The following PBX3 variants were observed in gnomAD, a reference collection of about 807,000 sequenced individuals.
PBX3 encodes the protein pre-B-cell leukemia transcription factor 3.
In PBX3, 14 loss-of-function variants were observed where a neutral mutation model predicts 48.5. The ratio of observed to expected loss-of-function variants is 0.29; its 90% confidence interval spans 0.19 to 0.45. PBX3 has a LOEUF of 0.45. Among genes scored for constraint, PBX3 ranks in the 20% least tolerant of loss-of-function variants. The pLI, the probability that PBX3 is intolerant of heterozygous loss-of-function variation, is 1.00. For synonymous variants in PBX3, 210 were observed against 200.3 expected, an observed-to-expected ratio of 1.05 and a Z score of -0.41; for missense variants, 386 against 546.7, an observed-to-expected ratio of 0.71 and a Z score of 2.93.
chr9:125,832,685 C>G (rs1046381907), intron 2 of PBX3, among the ~76,000 whole-genome samples: 1 of 152,252 alleles, frequency 6.6e-6, no homozygotes, highest in Non-Finnish European at 1.5e-5. Flanking sequence ...TCCTCAGATT[C>G]ACTTGCTTAG....
chr9:125,794,439 G>C (rs537097375), intron 2 of PBX3, among the ~76,000 whole-genome samples: 8 of 152,216 alleles, frequency 5.3e-5, no homozygotes, highest in African/African-American at 1.9e-4. Context: ...AATCTTTCTT[G>C]AAGTGAGGTT....
chr9:125,946,938 G>A (rs543191689), intron 5 of PBX3, among the ~76,000 whole-genome samples: 6 of 152,210 alleles, frequency 3.9e-5, no homozygotes, highest in Non-Finnish European at 7.4e-5. Context: ...CAGCTAGAGG[G>A]AAAAGTAAGT....
At chr9:125,895,566 C>T (rs1840750700) in intron 2 of PBX3, among the ~76,000 whole-genome samples, 2 of 151,944 alleles carry the variant, frequency 1.3e-5, no homozygotes, top group Admixed American at 6.6e-5. Context: ...TACTAGTTTC[C>T]TTTTTCATCC....
At chr9:125,777,625 A>G (rs1837112533) in intron 2 of PBX3, among the ~76,000 whole-genome samples, 1 of 151,972 alleles carries the variant, frequency 6.6e-6, no homozygotes. Context: ...CGGCCTCCCA[A>G]AGTGCTGGGA....
chr9:125,896,728 T>C (rs1345878619), intron 2 of PBX3, among the ~76,000 whole-genome samples: 1 of 152,016 alleles, frequency 6.6e-6, no homozygotes. Flanking sequence ...TCCTGCCTGA[T>C]TGCTGACAAG....
Position 125,966,098 on chromosome 9 carries a change from C to T in PBX3, c.*175C>T. 2.2e-6 allele frequency: 1 copy of T among 444,960 alleles called. No homozygotes were observed. Among genetic ancestry groups the T allele is most frequent in the Non-Finnish European group, 4.0e-6 (1 of 253,048 alleles). The allele number at this position is 444,960 out of a possible 1,614,324, so 27.6% of individuals were successfully genotyped here. A position where few individuals can be genotyped will look rare whatever the true frequency, so the allele number is the denominator to read the frequency against. ...GGAATCATAATCATTTGTATTTATA[C>T]TTAAAAACACACAATGTTAAAAAAA... On this transcript the variant is annotated 3_prime_UTR_variant, in exon 9 of 9. Coordinates refer to ENST00000373489, the MANE Select transcript of PBX3 (RefSeq NM_006195.6).
rs185391002 is a variant in PBX3 at position 125,899,368 on chromosome 9, C to A, written c.275-16318C>A. Reference sequence around the variant, plus strand: ...GTATATATTTTTATATAAATATATACATATATGTATATATTTTTATATAAA... The same window carrying A: ...GTATATATTTTTATATAAATATATAAATATATGTATATATTTTTATATAAA... On this transcript the variant is annotated intron_variant, in intron 2 of 8. Transcript: ENST00000373489. 8.5e-3 allele frequency among the ~76,000 whole-genome samples: 323 copies of A among 38,218 alleles called. 20 individuals are homozygous for A. Among genetic ancestry groups the A allele is most frequent in the Middle Eastern group, 0.045 (3 of 66 alleles). 25.1% of individuals were successfully genotyped at this position (38,218 alleles called of 152,430 possible).
intron 2 of PBX3, among the ~76,000 whole-genome samples, chr9:125,858,622 ATTT>A (rs36077474): frequency 1.7e-5 from 2 of 117,800 alleles, no homozygotes; most frequent in Non-Finnish European, 1.7e-5. Flanking sequence ...ACTTTGGTCC[ATTT>A]TTTTTTTTTT....
intron 2 of PBX3, among the ~76,000 whole-genome samples, chr9:125,760,333 T>G (rs956375257): frequency 3.3e-5 from 5 of 152,192 alleles, no homozygotes; most frequent in Non-Finnish European, 1.5e-5. Flanking sequence ...TTAACTCTTT[T>G]AAACAGTGCA....
At chr9:125,907,631 C>T (rs1588284274) in intron 2 of PBX3, among the ~76,000 whole-genome samples, 1 of 152,120 alleles carries the variant, frequency 6.6e-6, no homozygotes, top group East Asian at 1.9e-4. Context: ...CTTCTACAGT[C>T]ACATGGTTAA....
At chr9:125,940,933 G>T (rs1034794319) in intron 5 of PBX3, among the ~76,000 whole-genome samples, 1 of 152,150 alleles carries the variant, frequency 6.6e-6, no homozygotes, top group Non-Finnish European at 1.5e-5. Flanking sequence ...TACCTATGAT[G>T]TGTGGCCCTT....
At chr9:125,962,024 C>T (rs1485967859) in intron 6 of PBX3, 78 bp from the exon 7 acceptor site, 15 of 708,790 alleles carry the variant, frequency 2.1e-5, no homozygotes, top group South Asian at 1.2e-4. Context: ...TACTTTTTCT[C>T]ATCTCCCTGC....
intron 5 of PBX3, among the ~76,000 whole-genome samples, chr9:125,945,672 T>C (rs984611813): frequency 6.6e-6 from 1 of 152,174 alleles, no homozygotes; most frequent in African/African-American, 2.4e-5. Flanking sequence ...TTACTGAAGA[T>C]GATGATATTA....
rs527412260 is a variant in PBX3 at position 125,949,804 on chromosome 9, A to G, written c.844-10880A>G. Among the ~76,000 whole-genome samples the G allele has an allele frequency of 7.9e-5, 12 of 152,312 alleles. No individual in the cohort carries two copies. In the East Asian group the frequency reaches 1.9e-3, roughly 25 times the overall value. On this transcript the variant is annotated intron_variant, in intron 5 of 8. Coordinates refer to ENST00000373489, the MANE Select transcript of PBX3 (RefSeq NM_006195.6). The stretch of plus-strand genomic sequence containing the variant: ...ACACTGAATGCATGTTGATGTTCTT[A>G]TTTACAGGGATTAGATTTACGTGAA...
intron 2 of PBX3, among the ~76,000 whole-genome samples, chr9:125,829,662 C>A (rs1340070973): frequency 6.6e-6 from 1 of 151,984 alleles, no homozygotes; most frequent in Non-Finnish European, 1.5e-5. Context: ...GTTATGTCAG[C>A]TCTTTCCTTA....
intron 2 of PBX3, among the ~76,000 whole-genome samples, chr9:125,866,449 A>G (rs1839982893): frequency 2.0e-5 from 3 of 152,228 alleles, no homozygotes. Flanking sequence ...CATTCTTTGC[A>G]CTTAACTATC....
chr9:125,754,845 G>A (rs1201323906), intron 2 of PBX3, among the ~76,000 whole-genome samples: 3 of 152,004 alleles, frequency 2.0e-5, no homozygotes, highest in African/African-American at 2.4e-5. Flanking sequence ...AACTGTCTAC[G>A]TAATAGTAAC....
chr9:125,792,892 G>A (rs1013181432), intron 2 of PBX3, among the ~76,000 whole-genome samples: 15 of 151,602 alleles, frequency 9.9e-5, no homozygotes, highest in African/African-American at 3.6e-4. Flanking sequence ...TAGAGACCAG[G>A]TTTCACCATA....
At chr9:125,945,131 G>A (rs887817283) in intron 5 of PBX3, among the ~76,000 whole-genome samples, 2 of 152,092 alleles carry the variant, frequency 1.3e-5, no homozygotes, top group Non-Finnish European at 2.9e-5. Flanking sequence ...GGCTGAGGCA[G>A]GAGAATTGCT....
Sources: gnomAD v4.1 joint callset for allele counts (sites outside exome capture counted in the v4.1 genomes callset) on GRCh38, gnomAD v4.1.1 for gene constraint, MANE v1.5 for transcripts, NCBI Gene and HGNC (gene_info 2026-07-23, HGNC 2026-07-21) for gene names.